DHX35: variants seen among roughly 807,000 people sequenced by gnomAD.
The protein encoded by DHX35 is DEAH-box helicase 35, also known as probable ATP-dependent RNA helicase DHX35.
A neutral mutation model predicts 99.6 loss-of-function variants in DHX35; 84 were observed. The observed-to-expected ratio is 0.84, with a 90% CI of 0.71 to 1.01. The LOEUF (loss-of-function observed/expected upper bound fraction) is 1.01, where lower values mean the gene tolerates loss of function less well. DHX35 is among the 50% of genes least tolerant of loss of function. The pLI is 0.00. For synonymous variants in DHX35, 331 were observed against 316.2 expected (o/e 1.05, Z -0.50); for missense variants, 852 against 888.5 (o/e 0.96, Z 0.52).
intron 3 of DHX35, among the ~76,000 whole-genome samples, chr20:38,972,903 A>C (rs182451389): frequency 1.5e-3 from 224 of 152,360 alleles, no homozygotes; most frequent in African/African-American, 5.2e-3. Flanking sequence ...GTTACAATGG[A>C]GATTTATTCA....
intron 11 of DHX35, among the ~76,000 whole-genome samples, chr20:39,005,374 C>T (rs187494659): frequency 3.9e-5 from 6 of 152,280 alleles, no homozygotes; most frequent in African/African-American, 1.4e-4. Flanking sequence ...GTTTCTCCTT[C>T]CTTTGAACTG....
At chr20:38,988,961 G>A (rs1463422588) in intron 5 of DHX35, 44 bp downstream of exon 5, 2 of 1,597,822 alleles carry the variant, frequency 1.3e-6, no homozygotes, top group Non-Finnish European at 1.7e-6. Flanking sequence ...TAAGGAAGAA[G>A]GTTATTTTGG....
At chr20:38,971,074 C>T (rs538707446) in intron 2 of DHX35, among the ~76,000 whole-genome samples, 154 of 152,124 alleles carry the variant, frequency 1.0e-3, no homozygotes, top group Admixed American at 3.2e-3. Context: ...ATTGGAGGCT[C>T]GGTGTGGTGG....
chr20:39,034,416 C>A, intron 21 of DHX35, 99 bp downstream of exon 21: 4 of 994,342 alleles, frequency 4.0e-6, no homozygotes, highest in South Asian at 2.7e-5. Context: ...TATGTGTGTT[C>A]CCCCTAGGGG....
chr20:38,998,842 G>A (rs560626581), intron 8 of DHX35, among the ~76,000 whole-genome samples: 5 of 152,136 alleles, frequency 3.3e-5, no homozygotes, highest in Admixed American at 6.5e-5. Flanking sequence ...TGTTGCCCAG[G>A]CTGGTGTGCA....
In DHX35 at chr20:39,038,538, C is replaced by A. The variant is rs549101721; in HGVS notation, c.2107C>A (p.Pro703Thr). 1.9e-6 allele frequency: 3 copies of A among 1,612,576 alleles called. No homozygotes were observed. Among genetic ancestry groups the A allele is most frequent in the Non-Finnish European group, 1.7e-6 (2 of 1,179,966 alleles). Residue 703 changes from proline (P) to threonine (T), a missense_variant, in exon 22 of 22, where the codon CCG (proline) becomes ACG (threonine). Pro to Thr is a conservative substitution (Grantham distance 38, BLOSUM62 -1). Coordinates refer to ENST00000252011, the MANE Select transcript of DHX35 (RefSeq NM_021931.4). The stretch of plus-strand genomic sequence containing the variant: ...AGCCAAAAGGGCCAAGGTCCAGGAC[C>A]CGTGAGAGGAGCCCACAGCTACAGC... ...LKAKRAKVQD[P>T]
chr20:39,007,623 C>T (rs1035753879), intron 12 of DHX35, among the ~76,000 whole-genome samples: 7 of 152,172 alleles, frequency 4.6e-5, no homozygotes, highest in African/African-American at 1.7e-4. Flanking sequence ...ACTGGCAATA[C>T]AGTCCTTATC....
rs912046326 is a variant in DHX35, at chr20:38,968,962, A to G, written c.41-119A>G. On this transcript the variant is annotated intron_variant, in intron 1 of 21. Transcript: ENST00000252011. ...AAGTTAAGGTTGAATACCTTTGAGT[A>G]GTTTGAGATAAAAAGTATTGCTTCT... 2.1e-5 allele frequency: 24 copies of G among 1,165,960 alleles called. No individual in the cohort carries two copies. In the Admixed American group the frequency reaches 6.6e-4, roughly 32 times the overall value. The allele number at this position is 1,165,960 out of a possible 1,614,324, so 72.2% of individuals were successfully genotyped here.
chr20:39,028,316 A>G (rs762769650), intron 18 of DHX35, 102 bp from the exon 19 acceptor site: 293 of 1,171,808 alleles, frequency 2.5e-4, no homozygotes, highest in Non-Finnish European at 3.4e-4. Context: ...GGTGTCTTGA[A>G]GCAGCCTGGG....
At chr20:38,963,155 T>C (rs1375522436) in intron 1 of DHX35, among the ~76,000 whole-genome samples, 1 of 152,246 alleles carries the variant, frequency 6.6e-6, no homozygotes, top group Admixed American at 6.5e-5. Context: ...TATTTACTCA[T>C]TAATCAGGTT....
chr20:39,005,671 GC>G (rs1367223404), intron 11 of DHX35, among the ~76,000 whole-genome samples: 1 of 152,124 alleles, frequency 6.6e-6, no homozygotes, highest in African/African-American at 2.4e-5. Context: ...CAGAGCAGGG[GC>G]CTTGTCTGTC....
At position 38,992,357 on chromosome 20, in the gene DHX35, G is replaced by A; in HGVS notation, c.514G>A (p.Val172Ile). Reference protein sequence around the residue: ...MVDPLLTKYSVIMLDEAHERT... With the variant: ...MVDPLLTKYSIIMLDEAHERT... ...TGAGAGCTTCTCTTTGATTCTTAGT[G>A]TCATCATGCTGGATGAAGCCCACGA... The change falls in exon 7 of 22, where the codon GTC (valine) becomes ATC (isoleucine). Residue 172 changes from valine (V) to isoleucine (I), a missense_variant and splice_region_variant. Physicochemically the swap from Val to Ile is conservative, Grantham distance 29 (BLOSUM62 3). Coordinates refer to ENST00000252011, the MANE Select transcript of DHX35 (RefSeq NM_021931.4). 6.2e-7 allele frequency: 1 copy of A among 1,613,972 alleles called. No individual in the cohort carries two copies. Among genetic ancestry groups the A allele is most frequent in the Non-Finnish European group, 8.5e-7 (1 of 1,179,910 alleles).
Position 39,018,882 on chromosome 20 carries a change from A to G in DHX35, c.1481A>G (p.Lys494Arg), listed in dbSNP as rs1354383279. Residue 494 changes from lysine to arginine, a missense_variant, in exon 15 of 22, where the codon AAA (lysine) becomes AGA (arginine). By Grantham distance (26) the Lys-to-Arg change is conservative. Coordinates refer to ENST00000252011, the MANE Select transcript of DHX35 (RefSeq NM_021931.4). ...TTTCCTTTGAATCCCATGTTTGCCA[A>G]AATGCTGCTTGAATCAGGTGGGTAG... ...AEFPLNPMFAKMLLESGNFGC... is the reference protein window; with the variant it reads ...AEFPLNPMFARMLLESGNFGC... 1.2e-6 allele frequency: 2 copies of G among 1,614,070 alleles called. No homozygotes were observed. The highest frequency in any genetic ancestry group is 8.5e-7 in the Non-Finnish European group (1 of 1,179,972).
chr20:38,988,670 G>T, intron 4 of DHX35, 143 bp from the exon 5 acceptor site: 1 of 1,165,738 alleles, frequency 8.6e-7, no homozygotes. Context: ...TATTATGCTT[G>T]TTCTCTAATA....
intron 15 of DHX35, among the ~76,000 whole-genome samples, chr20:39,020,244 CAGTTCCTTTGCATATATACCTAG>C (rs2086851749): frequency 6.6e-6 from 1 of 152,176 alleles, no homozygotes; most frequent in South Asian, 2.1e-4. Flanking sequence ...ATACCAGTTT[CAGTTCCTTTGCATATATACCTAG>C]AAGTGTGATT....
chr20:38,992,268 C>G lies in DHX35; in HGVS notation c.513-88C>G, dbSNP rs148191508. The G allele has an allele frequency of 2.8e-5, 31 of 1,098,832 alleles. 1 individual carries two copies. In the East Asian group the frequency reaches 7.4e-4, roughly 26 times the overall value. The allele number at this position is 1,098,832 out of a possible 1,614,324, so 68.1% of individuals were successfully genotyped here. A position where few individuals can be genotyped will look rare whatever the true frequency, so the allele number is the denominator to read the frequency against. On this transcript the variant is annotated intron_variant, in intron 6 of 21. Coordinates refer to ENST00000252011, the MANE Select transcript of DHX35 (RefSeq NM_021931.4). The stretch of plus-strand genomic sequence containing the variant: ...TTGATGCAAAGTGATTGTATGAGGA[C>G]TAAATACCCAGAAGCTCTTTGATGG...
intron 1 of DHX35, among the ~76,000 whole-genome samples, chr20:38,965,002 A>G (rs1183279603): frequency 6.6e-6 from 1 of 152,174 alleles, no homozygotes; most frequent in Non-Finnish European, 1.5e-5. Context: ...ATTTTGCTTT[A>G]TAGTTGAATC....
intron 1 of DHX35, among the ~76,000 whole-genome samples, chr20:38,963,785 G>C (rs1238635425): frequency 6.6e-6 from 1 of 152,100 alleles, no homozygotes; most frequent in African/African-American, 2.4e-5. Flanking sequence ...AGATGCTCAG[G>C]GCTCTGCTCT....
Position 38,978,356 on chromosome 20 carries a change from G to T in DHX35, c.268-5343G>T, listed in dbSNP as rs1017991659. 1.9e-5 allele frequency: 14 copies of T among 731,734 alleles called. No homozygotes were observed. In the African/African-American group the frequency reaches 2.1e-4, roughly 11 times the overall value. The allele number at this position is 731,734 out of a possible 1,614,324, so 45.3% of individuals were successfully genotyped here. A position where few individuals can be genotyped will look rare whatever the true frequency, so the allele number is the denominator to read the frequency against. On this transcript the variant is annotated intron_variant, in intron 3 of 21. Transcript: ENST00000252011. ...AAGTGATCATCTTTGATGGCCTTTAGTTCACAACCAAAAAGATAGTTCTGG... is the reference window on the plus strand; with the variant it reads ...AAGTGATCATCTTTGATGGCCTTTATTTCACAACCAAAAAGATAGTTCTGG...
Sources: allele counts gnomAD v4.1 joint callset (sites outside exome capture counted in the v4.1 genomes callset), GRCh38; gene constraint gnomAD v4.1.1; transcripts MANE v1.5; gene names NCBI Gene and HGNC (gene_info 2026-07-23, HGNC 2026-07-21).